Variants in CSMD1 observed in about 807,000 individuals in gnomAD.
The protein encoded by CSMD1 is CUB and Sushi multiple domains 1, also known as CUB and sushi domain-containing protein 1.
CSMD1 carries 213 observed loss-of-function variants against 417.5 expected under a neutral mutation model. The observed-to-expected ratio is 0.51, with a 90% CI of 0.46 to 0.57. CSMD1 has a LOEUF of 0.57. Among genes scored for constraint, CSMD1 ranks in the 20% least tolerant of loss-of-function variants. The probability of loss-of-function intolerance (pLI) is 0.00; values close to 1 mark genes in which losing one functional copy is unlikely to be tolerated. For synonymous variants in CSMD1, 2,862 were observed against 1,736.8 expected (o/e 1.65, Z -16.11); for missense variants, 6,923 against 4,529.7 (o/e 1.53, Z -15.17).
intron 7 of CSMD1, among the ~76,000 whole-genome samples, chr8:3,626,377 G>C (rs930383344): frequency 6.6e-6 from 1 of 152,172 alleles, no homozygotes; most frequent in Non-Finnish European, 1.5e-5. Flanking sequence ...CACAGTGAAA[G>C]TAGCATTTGA....
At chr8:4,079,844 G>T (rs894389109) in intron 3 of CSMD1, among the ~76,000 whole-genome samples, 2 of 152,144 alleles carry the variant, frequency 1.3e-5, no homozygotes, top group Non-Finnish European at 2.9e-5. Context: ...AGGGATAATG[G>T]AATGTTTCTA....
intron 39 of CSMD1, among the ~76,000 whole-genome samples, chr8:3,157,341 G>A (rs1392585336): frequency 1.3e-5 from 2 of 152,126 alleles, no homozygotes; most frequent in Non-Finnish European, 1.5e-5. Context: ...CATTACCTAT[G>A]CTAACAGTTT....
intron 5 of CSMD1, among the ~76,000 whole-genome samples, chr8:3,944,924 C>G (rs890765292): frequency 6.6e-6 from 1 of 152,122 alleles, no homozygotes; most frequent in Non-Finnish European, 1.5e-5. Flanking sequence ...TGAACGCTGT[C>G]TCTCACTTTG....
At chr8:3,386,328 A>G (rs1811001796) in intron 18 of CSMD1, among the ~76,000 whole-genome samples, 1 of 152,122 alleles carries the variant, frequency 6.6e-6, no homozygotes, top group African/African-American at 2.4e-5. Flanking sequence ...GGCCCCACAG[A>G]CGCCGAACTC....
chr8:3,648,491 G>C (rs999838686), intron 7 of CSMD1, among the ~76,000 whole-genome samples: 3 of 152,178 alleles, frequency 2.0e-5, no homozygotes, highest in Admixed American at 2.0e-4. Context: ...ACAGTGGAGT[G>C]ACTGCTGAGA....
intron 3 of CSMD1, among the ~76,000 whole-genome samples, chr8:4,158,905 T>C (rs765259514): frequency 3.9e-5 from 6 of 152,138 alleles, no homozygotes; most frequent in Admixed American, 3.3e-4. Context: ...AAAAGAAAGA[T>C]TATCTTTCTA....
chr8:4,824,082 CCACACACACACA>C (rs34597770), intron 1 of CSMD1, among the ~76,000 whole-genome samples: 1 of 147,634 alleles, frequency 6.8e-6, no homozygotes, highest in African/African-American at 2.5e-5. Context: ...AAATAAATAT[CCACACACACACA>C]CACACACACA....
At chr8:3,060,336 G>A (rs1563292825) in intron 49 of CSMD1, among the ~76,000 whole-genome samples, 1 of 151,906 alleles carries the variant, frequency 6.6e-6, no homozygotes, top group Non-Finnish European at 1.5e-5. Context: ...AGTACAGACA[G>A]GGTTTCACCA....
At chr8:4,622,417 G>C (rs73504902) in intron 2 of CSMD1, among the ~76,000 whole-genome samples, 4 of 152,060 alleles carry the variant, frequency 2.6e-5, no homozygotes, top group Non-Finnish European at 5.9e-5. Context: ...ACCCGATGGG[G>C]TGACAGCAAA....
intron 3 of CSMD1, among the ~76,000 whole-genome samples, chr8:4,241,278 A>G (rs1415889992): frequency 6.6e-6 from 1 of 152,154 alleles, no homozygotes; most frequent in African/African-American, 2.4e-5. Flanking sequence ...TAATCTCACC[A>G]CAATTCATTC....
At chr8:4,690,943 G>C (rs1485628961) in intron 1 of CSMD1, among the ~76,000 whole-genome samples, 1 of 152,122 alleles carries the variant, frequency 6.6e-6, no homozygotes, top group African/African-American at 2.4e-5. Context: ...TGGCCAGGCT[G>C]GTCTTGCTCT....
At chr8:4,682,723 G>C (rs533716853) in intron 1 of CSMD1, among the ~76,000 whole-genome samples, 2 of 151,500 alleles carry the variant, frequency 1.3e-5, no homozygotes, top group East Asian at 1.9e-4. Flanking sequence ...TATATTATTT[G>C]TCCAATATTA....
At chr8:4,933,695 A>G (rs1272812083) in intron 1 of CSMD1, among the ~76,000 whole-genome samples, 1 of 152,218 alleles carries the variant, frequency 6.6e-6, no homozygotes, top group Admixed American at 6.5e-5. Flanking sequence ...AGATAAATGG[A>G]TGGATGGAAG....
intron 4 of CSMD1, among the ~76,000 whole-genome samples, chr8:4,006,280 A>G (rs772532280): frequency 1.1e-4 from 16 of 152,210 alleles, no homozygotes; most frequent in Non-Finnish European, 2.1e-4. Context: ...ACTCTGGAAT[A>G]AACAAAAAAT....
intron 3 of CSMD1, among the ~76,000 whole-genome samples, chr8:4,041,904 G>A (rs986553103): frequency 3.3e-5 from 5 of 152,130 alleles, no homozygotes; most frequent in African/African-American, 9.7e-5. Flanking sequence ...AATAGATATA[G>A]CAGAAGGTAA....
intron 3 of CSMD1, among the ~76,000 whole-genome samples, chr8:4,097,264 C>G (rs1801063798): frequency 6.6e-6 from 1 of 152,110 alleles, no homozygotes; most frequent in African/African-American, 2.4e-5. Context: ...AATCAGAAAA[C>G]TAGATTACAG....
At chr8:3,556,972 A>T (rs1303386971) in intron 10 of CSMD1, among the ~76,000 whole-genome samples, 1 of 152,210 alleles carries the variant, frequency 6.6e-6, no homozygotes, top group Admixed American at 6.5e-5. Flanking sequence ...TAAGTCAAGC[A>T]GAACCCAGCA....
chr8:4,582,322 G>C (rs140051676), intron 2 of CSMD1, among the ~76,000 whole-genome samples: 3 of 152,158 alleles, frequency 2.0e-5, no homozygotes. Context: ...GTCTCCTGCA[G>C]AGCCAAATTA....
At chr8:4,354,055 A>G (rs922421853) in intron 3 of CSMD1, among the ~76,000 whole-genome samples, 1 of 152,196 alleles carries the variant, frequency 6.6e-6, no homozygotes, top group Non-Finnish European at 1.5e-5. Flanking sequence ...CTATGCAGCT[A>G]TATATCATTT....
Sources: allele counts gnomAD v4.1 joint callset (sites outside exome capture counted in the v4.1 genomes callset), GRCh38; gene constraint gnomAD v4.1.1; transcripts MANE v1.5; gene names NCBI Gene and HGNC (gene_info 2026-07-23, HGNC 2026-07-21).